The following FMN2 variants were observed in gnomAD, a reference collection of about 807,000 sequenced individuals.
FMN2 encodes formin 2, also known as formin-2.
A neutral mutation model predicts 142.3 loss-of-function variants in FMN2; 51 were observed. That is an observed-to-expected ratio of 0.36 (90% confidence interval 0.29 to 0.45). The LOEUF is 0.45. Among genes scored for constraint, FMN2 ranks in the 20% least tolerant of loss-of-function variants. FMN2 has a pLI of 1.00. For missense variants in FMN2, 1,936 were observed against 2,122.8 expected, an observed-to-expected ratio of 0.91 and a Z score of 1.73; for synonymous variants, 882 against 869.8, an observed-to-expected ratio of 1.01 and a Z score of -0.25.
intron 16 of FMN2, among the ~76,000 whole-genome samples, chr1:240,460,891 G>T (rs945137251): frequency 2.4e-4 from 37 of 152,134 alleles, no homozygotes; most frequent in African/African-American, 8.7e-4. Flanking sequence ...GGACTTGTTA[G>T]AATTATACAT....
chr1:240,226,295 A>G (rs1667295629), intron 6 of FMN2, among the ~76,000 whole-genome samples: 2 of 152,232 alleles, frequency 1.3e-5, no homozygotes, highest in African/African-American at 4.8e-5. Flanking sequence ...GCAGTGAAAG[A>G]AAAACAACAC....
intron 1 of FMN2, among the ~76,000 whole-genome samples, chr1:240,117,868 CA>C (rs2103207956): frequency 6.6e-6 from 1 of 152,272 alleles, no homozygotes; most frequent in African/African-American, 2.4e-5. Context: ...GGAGACAGAT[CA>C]CAGACTTACA....
chr1:240,228,328 AAAAAGAAAAAG>A (rs1667407142), intron 6 of FMN2, among the ~76,000 whole-genome samples: 1 of 66,366 alleles, frequency 1.5e-5, no homozygotes, highest in Non-Finnish European at 2.7e-5. Context: ...AAAAAAAAAA[AAAAAGAAAAAG>A]AAAAAGAAAA....
chr1:240,224,808 AC>A, intron 6 of FMN2, among the ~76,000 whole-genome samples: 1 of 152,280 alleles, frequency 6.6e-6, no homozygotes, highest in Non-Finnish European at 1.5e-5. Flanking sequence ...TCCCTGGCTG[AC>A]TAAAATTAGA....
intron 15 of FMN2, among the ~76,000 whole-genome samples, chr1:240,429,676 A>G (rs1675072453): frequency 6.6e-6 from 1 of 152,170 alleles, no homozygotes; most frequent in Non-Finnish European, 1.5e-5. Context: ...TATGGCGTGT[A>G]TAATTTTGGC....
intron 8 of FMN2, among the ~76,000 whole-genome samples, chr1:240,319,422 T>C (rs1670895288): frequency 1.3e-5 from 2 of 152,356 alleles, no homozygotes; most frequent in South Asian, 4.1e-4. Flanking sequence ...CTGTCTGTCT[T>C]AGACACACAC....
chr1:240,394,465 G>A (rs918713198), intron 15 of FMN2, among the ~76,000 whole-genome samples: 1 of 152,290 alleles, frequency 6.6e-6, no homozygotes, highest in African/African-American at 2.4e-5. Flanking sequence ...GGGTCATGAA[G>A]TTTAAGGTAA....
intron 6 of FMN2, among the ~76,000 whole-genome samples, chr1:240,242,672 T>C (rs1667950320): frequency 6.6e-6 from 1 of 152,146 alleles, no homozygotes. Flanking sequence ...CTCTTCTTGG[T>C]AACCTTACCA....
intron 13 of FMN2, among the ~76,000 whole-genome samples, chr1:240,340,039 T>G (rs1349572297): frequency 6.6e-6 from 1 of 152,170 alleles, no homozygotes; most frequent in African/African-American, 2.4e-5. Context: ...AGTATATTTA[T>G]TCTTCTAAAT....
intron 15 of FMN2, among the ~76,000 whole-genome samples, chr1:240,396,454 T>C (rs1326618152): frequency 2.0e-5 from 3 of 152,060 alleles, no homozygotes; most frequent in Non-Finnish European, 4.4e-5. Context: ...TTTTTTTTTT[T>C]TCTCTTTATA....
intron 14 of FMN2, among the ~76,000 whole-genome samples, chr1:240,371,725 A>G (rs968858487): frequency 6.6e-6 from 1 of 152,188 alleles, no homozygotes; most frequent in South Asian, 2.1e-4. Context: ...TGCTTGACAC[A>G]TGTTCTAACT....
intron 8 of FMN2, among the ~76,000 whole-genome samples, chr1:240,319,406 TTCTG>T (rs1217892821): frequency 5.3e-5 from 8 of 152,228 alleles, no homozygotes; most frequent in African/African-American, 1.7e-4. Context: ...GGGGATATCT[TTCTG>T]TCTGTCTGTC....
intron 14 of FMN2, among the ~76,000 whole-genome samples, chr1:240,383,216 G>C (rs994214618): frequency 1.3e-5 from 2 of 151,746 alleles, no homozygotes; most frequent in African/African-American, 4.8e-5. Flanking sequence ...AAGAATTTAT[G>C]ACAAAGACCT....
chr1:240,142,585 G>T, intron 2 of FMN2: 2 of 1,368,548 alleles, frequency 1.5e-6, no homozygotes, highest in South Asian at 2.7e-5. Flanking sequence ...TCCCCCGGAA[G>T]TCTGCAGCTG....
intron 14 of FMN2, among the ~76,000 whole-genome samples, chr1:240,365,899 G>A (rs950539314): frequency 3.3e-5 from 5 of 151,966 alleles, no homozygotes; most frequent in African/African-American, 1.2e-4. Context: ...TTGCACATAG[G>A]AACACTAGCT....
In FMN2 at chr1:240,279,263, GA is replaced by G. The variant is rs761265981; in HGVS notation, c.4154-15550del. The stretch of plus-strand genomic sequence containing the variant: ...GACAATAAAAATGGTTTTCTTTAAT[GA>G]AAAAAAAATTCTGATACCGTGAGAA... On this transcript the variant is annotated intron_variant, in intron 7 of 17. Coordinates refer to ENST00000319653, the MANE Select transcript of FMN2 (RefSeq NM_020066.5). 9.9e-5 allele frequency among the ~76,000 whole-genome samples: 15 copies of G among 151,566 alleles called. 1 individual carries two copies. The highest frequency in any genetic ancestry group is 8.3e-4 in the South Asian group (4 of 4,796).
At chr1:240,104,819 A>G (rs185878850) in intron 1 of FMN2, among the ~76,000 whole-genome samples, 7 of 152,070 alleles carry the variant, frequency 4.6e-5, no homozygotes, top group Admixed American at 4.6e-4. Context: ...TTCACCTTTT[A>G]TTGTGTGTGA....
chr1:240,413,016 G>GGGAGAATGAGGTA (rs1299797890), intron 15 of FMN2, among the ~76,000 whole-genome samples: 36 of 147,078 alleles, frequency 2.4e-4, no homozygotes, highest in African/African-American at 8.5e-4. Flanking sequence ...TCAGCTACTC[G>GGGAGAATGAGGTA]GGAGAATGAG....
intron 14 of FMN2, among the ~76,000 whole-genome samples, chr1:240,390,513 ATGCTTTTTGAAAAGC>A (rs1440621598): frequency 3.3e-5 from 5 of 152,228 alleles, no homozygotes; most frequent in African/African-American, 4.8e-5. Context: ...TTAGGAGCTT[ATGCTTTTTGAAAAGC>A]TGTATGTGTT....
Sources: allele counts gnomAD v4.1 joint callset (sites outside exome capture counted in the v4.1 genomes callset), GRCh38; gene constraint gnomAD v4.1.1; transcripts MANE v1.5; gene names NCBI Gene and HGNC (gene_info 2026-07-23, HGNC 2026-07-21).